The following ADAMTSL1 variants were observed in gnomAD, a reference collection of about 807,000 sequenced individuals.
The protein encoded by ADAMTSL1 is ADAMTS-like protein 1.
Under a neutral mutation model 201.8 loss-of-function variants are expected in ADAMTSL1, and 126 were observed. The ratio of observed to expected loss-of-function variants is 0.62; its 90% CI spans 0.54 to 0.72. ADAMTSL1 has a LOEUF of 0.72. Ranked by LOEUF, ADAMTSL1 falls within the 30% of genes least tolerant of loss-of-function variation. ADAMTSL1 has a pLI of 0.00. For missense variants in ADAMTSL1, 2,679 were observed against 2,277.8 expected, an observed-to-expected ratio of 1.18 and a Z score of -3.59; for synonymous variants, 1,121 against 903.4, an observed-to-expected ratio of 1.24 and a Z score of -4.32.
intron 15 of ADAMTSL1, among the ~76,000 whole-genome samples, chr9:18,745,961 T>C (rs1269973146): frequency 6.6e-6 from 1 of 152,090 alleles, no homozygotes; most frequent in Non-Finnish European, 1.5e-5. Flanking sequence ...CACACTAAAG[T>C]TCAGTCCCTA....
At chr9:18,815,487 G>A (rs1314505814) in intron 20 of ADAMTSL1, among the ~76,000 whole-genome samples, 1 of 150,590 alleles carries the variant, frequency 6.6e-6, no homozygotes, top group African/African-American at 2.4e-5. Flanking sequence ...CCAGGAGTTT[G>A]AAACTAGCCT....
At chr9:18,146,891 A>T (rs1007750399) in intron 1 of ADAMTSL1, among the ~76,000 whole-genome samples, 2 of 152,132 alleles carry the variant, frequency 1.3e-5, no homozygotes, top group African/African-American at 4.8e-5. Flanking sequence ...TTTTATGGTG[A>T]TTTAGTGCAT....
intron 2 of ADAMTSL1, among the ~76,000 whole-genome samples, chr9:18,280,440 A>G (rs1400563339): frequency 6.6e-6 from 1 of 150,468 alleles, no homozygotes; most frequent in Non-Finnish European, 1.5e-5. Flanking sequence ...TTTTAATCCT[A>G]CTGGAGCTTT....
At chr9:18,328,474 A>G (rs1834911943) in intron 2 of ADAMTSL1, among the ~76,000 whole-genome samples, 1 of 152,190 alleles carries the variant, frequency 6.6e-6, no homozygotes, top group African/African-American at 2.4e-5. Context: ...GTATTAACTC[A>G]CTTAGCCCTC....
At chr9:18,593,886 C>G (rs1040181724) in intron 4 of ADAMTSL1, among the ~76,000 whole-genome samples, 3 of 151,950 alleles carry the variant, frequency 2.0e-5, no homozygotes, top group African/African-American at 7.2e-5. Flanking sequence ...TATTCTGCAG[C>G]CACTGAATGA....
At chr9:18,119,888 G>C (rs1308797522) in intron 1 of ADAMTSL1, among the ~76,000 whole-genome samples, 1 of 152,014 alleles carries the variant, frequency 6.6e-6, no homozygotes, top group Non-Finnish European at 1.5e-5. Flanking sequence ...TTTAACTTTG[G>C]GAGATCAAAA....
chr9:18,087,577 C>T (rs1015701362), intron 1 of ADAMTSL1, among the ~76,000 whole-genome samples: 1 of 151,900 alleles, frequency 6.6e-6, no homozygotes, highest in East Asian at 1.9e-4. Context: ...TTTGGATTTG[C>T]ATTTTATAAC....
At chr9:17,937,268 C>A (rs1041941379) in intron 1 of ADAMTSL1, among the ~76,000 whole-genome samples, 2 of 152,148 alleles carry the variant, frequency 1.3e-5, no homozygotes. Context: ...CATTCATCCT[C>A]ACAATAGCCA....
chr9:18,283,422 T>C (rs1366475022), intron 2 of ADAMTSL1, among the ~76,000 whole-genome samples: 2 of 151,486 alleles, frequency 1.3e-5, no homozygotes, highest in Non-Finnish European at 2.9e-5. Context: ...CTGGTCAACA[T>C]AGTGAGGCCC....
intron 2 of ADAMTSL1, among the ~76,000 whole-genome samples, chr9:18,418,552 G>A (rs570982130): frequency 1.3e-5 from 2 of 152,156 alleles, no homozygotes; most frequent in South Asian, 4.1e-4. Context: ...AAAATTAACA[G>A]TATTTCAATT....
At chr9:18,095,046 T>C (rs567522726) in intron 1 of ADAMTSL1, among the ~76,000 whole-genome samples, 11 of 152,218 alleles carry the variant, frequency 7.2e-5, no homozygotes, top group Non-Finnish European at 1.3e-4. Context: ...GGTTCAGAGG[T>C]AGACCTTTGG....
Position 18,753,507 on chromosome 9 carries a change from C to T in ADAMTSL1, c.2216C>T (p.Pro739Leu), listed in dbSNP as rs201487423. The T allele has an allele frequency of 1.3e-3, 2,056 of 1,609,514 alleles. 36 individuals carry two copies. The South Asian group carries it at 0.021, about 17-fold the overall frequency. The stretch of plus-strand genomic sequence containing the variant: ...GCCTGGTACCCTGCACAGTGGCAGC[C>T]GGTGAGTTCTGAAGTTACTCAATAT... ...PPAWYPAQWQ[P>L]CSRTCGGGVQ... The change falls in exon 16 of 29, where the codon CCG (proline) becomes CTG (leucine). Residue 739 changes from proline to leucine, a missense_variant and splice_region_variant. Pro to Leu is a moderately conservative substitution (Grantham distance 98). Transcript: ENST00000380548.
intron 20 of ADAMTSL1, among the ~76,000 whole-genome samples, chr9:18,800,582 G>C (rs1354947002): frequency 6.6e-6 from 1 of 151,992 alleles, no homozygotes; most frequent in African/African-American, 2.4e-5. Context: ...AGCTTTCATA[G>C]AACTTACTTA....
At chr9:18,094,171 T>C (rs1824143297) in intron 1 of ADAMTSL1, among the ~76,000 whole-genome samples, 1 of 152,198 alleles carries the variant, frequency 6.6e-6, no homozygotes, top group Non-Finnish European at 1.5e-5. Flanking sequence ...CCACTCACCA[T>C]GATGTAAAAT....
chr9:18,548,554 A>G (rs1412175370), intron 3 of ADAMTSL1, among the ~76,000 whole-genome samples: 2 of 152,088 alleles, frequency 1.3e-5, no homozygotes, highest in Non-Finnish European at 1.5e-5. Context: ...AAAAAGAAAC[A>G]TACATTAAAT....
At chr9:18,137,933 T>C (rs751799774) in intron 1 of ADAMTSL1, among the ~76,000 whole-genome samples, 1 of 152,110 alleles carries the variant, frequency 6.6e-6, no homozygotes, top group Non-Finnish European at 1.5e-5. Flanking sequence ...GGGAGAGTTA[T>C]TCTTATTGTT....
intron 2 of ADAMTSL1, among the ~76,000 whole-genome samples, chr9:18,213,263 C>T (rs892196790): frequency 6.6e-6 from 1 of 152,136 alleles, no homozygotes. Flanking sequence ...TGTTCTTTCC[C>T]CTTTTGTATT....
At chr9:17,971,807 A>G (rs1247803630) in intron 1 of ADAMTSL1, among the ~76,000 whole-genome samples, 2 of 151,954 alleles carry the variant, frequency 1.3e-5, no homozygotes, top group African/African-American at 4.8e-5. Flanking sequence ...AGGGGAGATT[A>G]TCCTTTTTAT....
chr9:18,698,562 A>T (rs535704667), intron 13 of ADAMTSL1, among the ~76,000 whole-genome samples: 10 of 152,298 alleles, frequency 6.6e-5, no homozygotes, highest in Non-Finnish European at 1.0e-4. Flanking sequence ...CTGGAATTAC[A>T]AAAGTAAGCC....
Sources: allele counts gnomAD v4.1 joint callset (sites outside exome capture counted in the v4.1 genomes callset), GRCh38; gene constraint gnomAD v4.1.1; transcripts MANE v1.5; gene names NCBI Gene and HGNC (gene_info 2026-07-23, HGNC 2026-07-21).